PRKN: variants seen among roughly 807,000 people sequenced by gnomAD.
PRKN encodes parkin RBR E3 ubiquitin protein ligase.
A neutral mutation model predicts 59.5 loss-of-function variants in PRKN; 56 were observed. The ratio of observed to expected loss-of-function variants is 0.94; its 90% CI spans 0.76 to 1.18. PRKN has a LOEUF of 1.18. Among genes scored for constraint, PRKN ranks in the 50% most tolerant of loss-of-function variants. PRKN has a pLI of 0.00. For synonymous variants in PRKN, 250 were observed against 222.1 expected, an observed-to-expected ratio of 1.13 and a Z score of -1.12; for missense variants, 657 against 596.4, an observed-to-expected ratio of 1.10 and a Z score of -1.06.
chr6:162,050,784 G>C (rs1404043148), intron 5 of PRKN, among the ~76,000 whole-genome samples: 1 of 152,066 alleles, frequency 6.6e-6, no homozygotes, highest in Non-Finnish European at 1.5e-5. Flanking sequence ...GAAGACCTTT[G>C]AACTCGAGCC....
intron 2 of PRKN, chr6:162,271,370 C>T (rs1780384472): frequency 6.6e-6 from 1 of 151,760 alleles, no homozygotes; most frequent in Non-Finnish European, 1.5e-5. Context: ...AAACCCGTGT[C>T]TACTAAAAAT....
intron 4 of PRKN, among the ~76,000 whole-genome samples, chr6:162,073,415 T>A (rs999875975): frequency 1.3e-5 from 2 of 152,202 alleles, no homozygotes; most frequent in Non-Finnish European, 2.9e-5. Context: ...TTTTCCCAAG[T>A]ACTACCTCTA....
intron 1 of PRKN, among the ~76,000 whole-genome samples, chr6:162,724,994 C>T (rs1779076933): frequency 6.6e-6 from 1 of 152,216 alleles, no homozygotes; most frequent in South Asian, 2.1e-4. Flanking sequence ...TGTCCTGCCT[C>T]TGTATCCCTG....
At chr6:161,712,005 G>A (rs992072501) in intron 7 of PRKN, among the ~76,000 whole-genome samples, 6 of 152,126 alleles carry the variant, frequency 3.9e-5, no homozygotes, top group South Asian at 2.1e-4. Context: ...AAGGCCTACC[G>A]TGGGACTTTA....
intron 2 of PRKN, among the ~76,000 whole-genome samples, chr6:162,320,544 C>T (rs1187389962): frequency 6.7e-6 from 1 of 150,100 alleles, no homozygotes; most frequent in East Asian, 1.9e-4. Flanking sequence ...AAATTAAAAC[C>T]ATTAAGACAC....
intron 4 of PRKN, among the ~76,000 whole-genome samples, chr6:162,115,045 C>T (rs200257611): frequency 0.21 from 31,315 of 151,578 alleles, 3,492 homozygotes; most frequent in Non-Finnish European, 0.25. Context: ...CACATGCACA[C>T]GTATGTTTAT....
Position 162,449,022 on chromosome 6 carries a change from C to T in PRKN, c.8-5549G>A, listed in dbSNP as rs887456256. Among the ~76,000 whole-genome samples, 5 of 151,814 alleles carry T rather than the reference C, an allele frequency of 3.3e-5. No homozygotes were observed. The South Asian group carries it at 6.3e-4, about 19-fold the overall frequency. On this transcript the variant is annotated intron_variant, in intron 1 of 11. Coordinates refer to ENST00000366898, the MANE Select transcript of PRKN (RefSeq NM_004562.3). The stretch of plus-strand genomic sequence containing the variant: ...CCTGCCTCAGCCTCCCGAGTACCTG[C>T]GATTACAGATGCCCACCACCACACC...
intron 4 of PRKN, among the ~76,000 whole-genome samples, chr6:162,055,623 G>A (rs1777823944): frequency 6.6e-6 from 1 of 152,148 alleles, no homozygotes; most frequent in South Asian, 2.1e-4. Context: ...AAGGGCTGGA[G>A]GGGATTGACA....
At chr6:162,418,646 G>A (rs1029139091) in intron 2 of PRKN, among the ~76,000 whole-genome samples, 1 of 150,198 alleles carries the variant, frequency 6.7e-6, no homozygotes, top group African/African-American at 2.5e-5. Flanking sequence ...GTGTGTGTGT[G>A]TGTATGCGTG....
intron 1 of PRKN, among the ~76,000 whole-genome samples, chr6:162,710,414 C>CACACACACACACA (rs759309558): frequency 1.2e-4 from 18 of 149,986 alleles, no homozygotes; most frequent in African/African-American, 4.5e-4. Context: ...CACACACACA[C>CACACACACACACA]AACTGTTTGG....
intron 4 of PRKN, among the ~76,000 whole-genome samples, chr6:162,188,723 T>C (rs1001509281): frequency 4.6e-5 from 7 of 152,088 alleles, no homozygotes; most frequent in Non-Finnish European, 5.9e-5. Flanking sequence ...AAGTAAATCA[T>C]TGTAGCTGCT....
At chr6:162,284,217 T>TTC (rs1562639876) in intron 2 of PRKN, among the ~76,000 whole-genome samples, 2 of 77,196 alleles carry the variant, frequency 2.6e-5, no homozygotes, top group Non-Finnish European at 4.7e-5. Context: ...ATTTCTTTCT[T>TTC]TTTTTTTTTT....
intron 2 of PRKN, among the ~76,000 whole-genome samples, chr6:162,274,160 AATTAATTT>A (rs1204129026): frequency 2.0e-5 from 3 of 151,660 alleles, no homozygotes; most frequent in African/African-American, 4.9e-5. Flanking sequence ...TAATTTAATT[AATTAATTT>A]ATTAATTTAT....
intron 9 of PRKN, among the ~76,000 whole-genome samples, chr6:161,474,992 C>T (rs1259745439): frequency 1.3e-5 from 2 of 151,756 alleles, no homozygotes; most frequent in African/African-American, 2.4e-5. Context: ...GCAACCTCCG[C>T]CTCCTGGGTT....
At position 162,011,084 on chromosome 6, in the gene PRKN, T is replaced by TA. The variant is rs1275342976; in HGVS notation, c.619-37668dup. Among the ~76,000 whole-genome samples, 9 of 12,644 alleles carry TA rather than the reference T, an allele frequency of 7.1e-4. 4 individuals carry two copies. Among genetic ancestry groups the TA allele is most frequent in the Non-Finnish European group, 1.0e-3 (9 of 8,998 alleles). 8.3% of individuals were successfully genotyped at this position (12,644 alleles called of 152,430 possible). Reference sequence around the variant, plus strand: ...TAATATATAATATATTTATAATATATATTATAATATATAATATATTTATAA... The same window carrying TA: ...TAATATATAATATATTTATAATATATAATTATAATATATAATATATTTATAA... On this transcript the variant is annotated intron_variant, in intron 5 of 11. Transcript: ENST00000366898.
chr6:162,014,147 A>T (rs1041469326), intron 5 of PRKN, among the ~76,000 whole-genome samples: 3 of 151,976 alleles, frequency 2.0e-5, no homozygotes, highest in African/African-American at 7.2e-5. Flanking sequence ...TTTCTGGTTT[A>T]TTCTTCCCAT....
chr6:161,777,812 ATATGTGTATATATGTATATG>A (rs1368788648), intron 7 of PRKN, among the ~76,000 whole-genome samples: 2 of 142,318 alleles, frequency 1.4e-5, no homozygotes, highest in African/African-American at 5.4e-5. Flanking sequence ...ATATATGTAT[ATATGTGTATATATGTATATG>A]TATACGTATA....
At chr6:162,577,286 T>C (rs76252016) in intron 1 of PRKN, among the ~76,000 whole-genome samples, 4,130 of 152,200 alleles carry the variant, frequency 0.027, 197 homozygotes, top group African/African-American at 0.096. Flanking sequence ...AAGAATAAGA[T>C]AACAGTTTGA....
chr6:161,712,477 T>C lies in PRKN; in HGVS notation c.871+73295A>G, dbSNP rs969432089. Among the ~76,000 whole-genome samples, 5 of 152,306 alleles carry C rather than the reference T, an allele frequency of 3.3e-5. No individual in the cohort carries two copies. In the South Asian group the frequency reaches 1.0e-3, roughly 32 times the overall value. On this transcript the variant is annotated intron_variant, in intron 7 of 11. Transcript: ENST00000366898. Reference sequence around the variant, plus strand: ...ATTAGAATCCATTTTACGATACTTCTGAAACTAGTCCATTCAGACTCTCAA... The same window carrying C: ...ATTAGAATCCATTTTACGATACTTCCGAAACTAGTCCATTCAGACTCTCAA...
Sources: allele counts gnomAD v4.1 joint callset (sites outside exome capture counted in the v4.1 genomes callset), GRCh38; gene constraint gnomAD v4.1.1; transcripts MANE v1.5; gene names NCBI Gene and HGNC (gene_info 2026-07-23, HGNC 2026-07-21).